Variants in CNOT1 observed in about 807,000 individuals in gnomAD.
The protein encoded by CNOT1 is CCR4-NOT transcription complex subunit 1, also known as CCR4-associated factor 1.
In CNOT1, 15 loss-of-function variants were observed where a neutral mutation model predicts 273.8. That is an observed-to-expected ratio of 0.05 (90% CI 0.04 to 0.08). CNOT1 has a LOEUF of 0.08. CNOT1 is among the 10% of genes least tolerant of loss of function. The pLI, the probability that CNOT1 is intolerant of heterozygous loss-of-function variation, is 1.00. For missense variants in CNOT1, 1,644 were observed against 2,912.2 expected (o/e 0.56, Z 10.02); for synonymous variants, 1,022 against 1,005.5 (o/e 1.02, Z -0.31).
intron 18 of CNOT1, 24 bp downstream of exon 18, chr16:58,558,449 T>C (rs1288005004): frequency 6.2e-7 from 1 of 1,613,038 alleles, no homozygotes; most frequent in East Asian, 2.2e-5. Flanking sequence ...GAATAATCCA[T>C]GCTCTCATTT....
At position 58,568,909 on chromosome 16, in the gene CNOT1, T is replaced by C. The variant is rs529047688; in HGVS notation, c.1979+5700A>G. Among the ~76,000 whole-genome samples the C allele has an allele frequency of 1.1e-4, 16 of 152,266 alleles. No homozygotes were observed. The South Asian group carries it at 3.3e-3, about 32-fold the overall frequency. On this transcript the variant is annotated intron_variant, in intron 16 of 48. Transcript: ENST00000317147. Reference sequence around the variant, plus strand: ...ACAAAAAAAGGGCAATAACGAACAATGTGCTCTGCTGAAGAAGGAAGATCT... The same window carrying C: ...ACAAAAAAAGGGCAATAACGAACAACGTGCTCTGCTGAAGAAGGAAGATCT...
At chr16:58,539,642 T>A in intron 35 of CNOT1, 126 bp downstream of exon 35, 2 of 966,318 alleles carry the variant, frequency 2.1e-6, no homozygotes, top group Non-Finnish European at 2.8e-6. Context: ...AAAAATCACC[T>A]ACTTACAGAA....
intron 16 of CNOT1, among the ~76,000 whole-genome samples, chr16:58,573,306 CAAAAAAAAAAGAA>C (rs1567415333): frequency 7.5e-6 from 1 of 133,662 alleles, no homozygotes; most frequent in African/African-American, 2.8e-5. Flanking sequence ...AACTCCATCT[CAAAAAAAAAAGAA>C]AGAAAGAAAA....
At position 58,588,904 on chromosome 16, in the gene CNOT1, A is replaced by G. The variant is rs762025880; in HGVS notation, c.105T>C (p.Ile35=). The change falls in exon 3 of 49, where the codon ATT becomes ATC. Residue 35 remains isoleucine, a splice_region_variant and synonymous_variant. Coordinates refer to ENST00000317147, the MANE Select transcript of CNOT1 (RefSeq NM_016284.5). ...CTGCCTCAGGACCGTGCCGATTCAC[A>G]ATCTAAAATGACCAAAAATAACATG... ...YRASQQEIQH[I]VNRHGPEADR... is the part of the protein sequence containing the mutation. The G allele has an allele frequency of 2.5e-6, 4 of 1,610,982 alleles. No individual in the cohort carries two copies. Among genetic ancestry groups the G allele is most frequent in the African/African-American group, 1.3e-5 (1 of 74,800 alleles).
At chr16:58,532,196 C>A in intron 41 of CNOT1, 36 bp downstream of exon 41, 2 of 1,608,098 alleles carry the variant, frequency 1.2e-6, no homozygotes, top group Non-Finnish European at 1.7e-6. Flanking sequence ...ATTAATCCAG[C>A]AAACCTTAAC....
chr16:58,534,224 C>T lies in CNOT1; in HGVS notation c.5818G>A (p.Val1940Ile). ...AKCYHNLDAF[V>I]RLIALLVKHS... ...TTCACGAGCAGTGCAATGAGTCGAACAAAGGCATCCAGGTTGTGATAGCAC... is the reference window on the plus strand; with the variant it reads ...TTCACGAGCAGTGCAATGAGTCGAATAAAGGCATCCAGGTTGTGATAGCAC... Residue 1940 changes from valine (V) to isoleucine (I), a missense_variant, in exon 40 of 49, where the codon GTT becomes ATT. Transcript: ENST00000317147. 6.2e-7 allele frequency: 1 copy of T among 1,614,158 alleles called. No individual in the cohort carries two copies. The highest frequency in any genetic ancestry group is 8.5e-7 in the Non-Finnish European group (1 of 1,180,032).
intron 1 of CNOT1, among the ~76,000 whole-genome samples, chr16:58,605,029 G>A (rs992364255): frequency 1.7e-4 from 26 of 152,092 alleles, no homozygotes; most frequent in South Asian, 1.7e-3. Flanking sequence ...CCAGCTGCTC[G>A]GGAGGCTGAG....
chr16:58,611,332 G>C (rs1299395574), intron 1 of CNOT1, among the ~76,000 whole-genome samples: 3 of 152,084 alleles, frequency 2.0e-5, no homozygotes, highest in Non-Finnish European at 2.9e-5. Context: ...GGGAGGCTGA[G>C]GCAGGGGAAT....
At chr16:58,555,652 A>G (rs1274725714) in intron 20 of CNOT1, 115 bp from the exon 21 acceptor site, 1 of 1,538,970 alleles carries the variant, frequency 6.5e-7, no homozygotes, top group African/African-American at 1.4e-5. Context: ...AGAGCTTGAG[A>G]CAAATATTAA....
intron 18 of CNOT1, 29 bp downstream of exon 18, chr16:58,558,444 A>G (rs1347131161): frequency 2.5e-6 from 4 of 1,612,618 alleles, no homozygotes; most frequent in Admixed American, 1.7e-5. Context: ...CTTATGAATA[A>G]TCCATGCTCT....
intron 1 of CNOT1, among the ~76,000 whole-genome samples, chr16:58,608,371 T>G (rs1038059171): frequency 1.3e-5 from 2 of 151,656 alleles, no homozygotes; most frequent in African/African-American, 4.8e-5. Flanking sequence ...CTGGCCAACA[T>G]AGTGAAACCC....
At chr16:58,571,277 C>T (rs1447278679) in intron 16 of CNOT1, among the ~76,000 whole-genome samples, 2 of 152,104 alleles carry the variant, frequency 1.3e-5, no homozygotes, top group East Asian at 1.9e-4. Flanking sequence ...CCATTAAGGC[C>T]GGGCACGGTG....
At chr16:58,586,039 T>A (rs888874982) in intron 7 of CNOT1, among the ~76,000 whole-genome samples, 1 of 150,934 alleles carries the variant, frequency 6.6e-6, no homozygotes, top group Non-Finnish European at 1.5e-5. Context: ...GGCAACAAAA[T>A]AACTAGGATT....
chr16:58,591,957 T>C (rs2042074549), intron 2 of CNOT1, among the ~76,000 whole-genome samples: 1 of 152,254 alleles, frequency 6.6e-6, no homozygotes, highest in South Asian at 2.1e-4. Context: ...CCTCCTAATA[T>C]GTGGCTCCTA....
chr16:58,597,756 T>G, intron 2 of CNOT1: 1 of 505,344 alleles, frequency 2.0e-6, no homozygotes, highest in African/African-American at 2.0e-5. Flanking sequence ...AAGTACTGAG[T>G]GAAGGAGTCC....
intron 1 of CNOT1, among the ~76,000 whole-genome samples, chr16:58,603,237 A>G (rs1446671182): frequency 6.6e-6 from 1 of 152,170 alleles, no homozygotes; most frequent in African/African-American, 2.4e-5. Flanking sequence ...TTCAATCATA[A>G]AAAACTCAAA....
In CNOT1 at chr16:58,553,826, C is replaced by G; in HGVS notation, c.2926G>C (p.Ala976Pro). Residue 976 changes from alanine (A) to proline (P), a missense_variant, in exon 22 of 49, where the codon GCT becomes CCT. Ala to Pro is a conservative substitution (Grantham distance 27). Around this residue, in one of 13 missense-constraint regions of CNOT1, gnomAD observed 74 missense variants for 184.6 expected, o/e 0.40. Coordinates refer to ENST00000317147, the MANE Select transcript of CNOT1 (RefSeq NM_016284.5). Reference protein sequence around the residue: ...KDYPQYCQHLASISHFMQFPH... With the variant: ...KDYPQYCQHLPSISHFMQFPH... ...AATTGCATAAAGTGACTGATAGAAG[C>G]CAAATGCTGACAATACTGGGGATAG... 6.2e-7 allele frequency: 1 copy of G among 1,611,638 alleles called. No individual in the cohort carries two copies. Among genetic ancestry groups the G allele is most frequent in the East Asian group, 2.2e-5 (1 of 44,544 alleles).
intron 13 of CNOT1, 72 bp downstream of exon 13, chr16:58,578,627 G>A: frequency 6.4e-7 from 1 of 1,550,764 alleles, no homozygotes; most frequent in Non-Finnish European, 8.7e-7. Flanking sequence ...TTCTCTGGTT[G>A]AGCTTCCTCA....
intron 44 of CNOT1, among the ~76,000 whole-genome samples, chr16:58,526,817 C>CAAAAAAA (rs58419483): frequency 2.3e-5 from 2 of 88,128 alleles, no homozygotes; most frequent in African/African-American, 7.7e-5. Context: ...AACTCCGTCT[C>CAAAAAAA]AAAAAAAAAA....
Sources: allele counts gnomAD v4.1 joint callset (sites outside exome capture counted in the v4.1 genomes callset), GRCh38; gene constraint gnomAD v4.1.1; regional missense constraint gnomAD v4.1.1; transcripts MANE v1.5; gene names NCBI Gene and HGNC (gene_info 2026-07-23, HGNC 2026-07-21).